SRA1: variants seen among roughly 807,000 people sequenced by gnomAD.
SRA1 encodes steroid receptor RNA activator 1, also known as lncRNA SRA.
Under a neutral mutation model 24.3 loss-of-function variants are expected in SRA1, and 25 were observed. That is an observed-to-expected ratio of 1.03 (90% CI 0.75 to 1.43). The LOEUF (loss-of-function observed/expected upper bound fraction) is 1.43. Ranked by LOEUF, SRA1 falls within the 40% of genes most tolerant of loss-of-function variation. The pLI is 0.00. For synonymous variants in SRA1, 104 were observed against 109.5 expected (o/e 0.95, Z 0.31); for missense variants, 303 against 286.6 (o/e 1.06, Z -0.41).
In SRA1 at chr5:140,550,703, T is replaced by TGAAGCCTGCTG. The variant is rs776813391; in HGVS notation, c.661_671dup (p.Ter225SerfsTer43). 2 of 1,614,132 alleles carry TGAAGCCTGCTG rather than the reference T, an allele frequency of 1.2e-6. No homozygotes were observed. The highest frequency in any genetic ancestry group is 2.2e-5 in the South Asian group (2 of 91,076). On this transcript the variant is annotated frameshift_variant, in exon 5 of 5. Coordinates refer to ENST00000336283, the MANE Select transcript of SRA1 (RefSeq NM_001035235.4). LOFTEE classifies it high-confidence loss of function. ...GGTGAGTCTGGGGAACCGAGGATTA[T>TGAAGCCTGCTG]GAAGCCTGCTGGAAGCCTGGTATGG... is the stretch of plus-strand genomic sequence containing the variant.
Position 140,552,014 on chromosome 5 carries a change from G to A in SRA1, c.322C>T (p.Gln108Ter). The part of the protein sequence containing the change: ...VMEDVLRPLE[Q>*]ALEDCRGHTR... ...TGGCCACGGCAGTCTTCCAATGCCT[G>A]TTCCAAAGGTCTCAGCACATCCTCC... The change falls in exon 3 of 5, where the codon CAG (glutamine) becomes TAG (stop). Residue 108 changes from glutamine (Q) to a stop codon, truncating the protein, a stop_gained. Transcript: ENST00000336283. LOFTEE classifies it high-confidence loss of function. 2.5e-6 allele frequency: 4 copies of A among 1,611,506 alleles called. No homozygotes were observed. Among genetic ancestry groups the A allele is most frequent in the Non-Finnish European group, 3.4e-6 (4 of 1,179,020 alleles).
intron 2 of SRA1, among the ~76,000 whole-genome samples, chr5:140,555,220 T>C (rs540286895): frequency 1.1e-3 from 161 of 151,766 alleles, no homozygotes; most frequent in African/African-American, 3.8e-3. Flanking sequence ...TTACTATTGA[T>C]TCATGTCTTT....
chr5:140,557,591 C>T (rs1350082277), upstream of SRA1: 4 of 1,010,328 alleles, frequency 4.0e-6, no homozygotes, highest in Non-Finnish European at 5.7e-6. Context: ...CGTCGGGAGC[C>T]GCTGTGGGGA....
At chr5:140,556,541 T>C (rs1019499669) in intron 2 of SRA1, among the ~76,000 whole-genome samples, 1 of 152,208 alleles carries the variant, frequency 6.6e-6, no homozygotes, top group Non-Finnish European at 1.5e-5. Flanking sequence ...GTGGCTTAAA[T>C]GTCAGCCCCT....
chr5:140,557,105 C>G lies in SRA1; in HGVS notation c.151+42G>C, dbSNP rs763853693. ...AGGCTTATGCCTTACACCCCCCCCC[C>G]CCCATTCTCCGTCTGTCTCCGAGCA... On this transcript the variant is annotated intron_variant, in intron 2 of 4. Coordinates refer to ENST00000336283, the MANE Select transcript of SRA1 (RefSeq NM_001035235.4). 4.2e-5 allele frequency: 51 copies of G among 1,219,550 alleles called. 3 individuals are homozygous for G. Among genetic ancestry groups the G allele is most frequent in the Non-Finnish European group, 5.7e-5 (49 of 863,260 alleles). 75.5% of individuals were successfully genotyped at this position (1,219,550 alleles called of 1,614,324 possible).
chr5:140,557,416 G>C lies in SRA1; in HGVS notation c.25+12C>G, dbSNP rs764850407. The C allele has an allele frequency of 1.9e-6, 3 of 1,580,816 alleles. No homozygotes were observed. The highest frequency in any genetic ancestry group is 3.7e-5 in the Admixed American group (2 of 54,744). On this transcript the variant is annotated intron_variant, in intron 1 of 4. Coordinates refer to ENST00000336283, the MANE Select transcript of SRA1 (RefSeq NM_001035235.4). ...CGACAACCTAGTGCCCTAGCCCGCCGGCTGCGCTCACCCGGCTTCACGTAC... is the reference window on the plus strand; with the variant it reads ...CGACAACCTAGTGCCCTAGCCCGCCCGCTGCGCTCACCCGGCTTCACGTAC...
In SRA1 at chr5:140,552,032, C is replaced by T. The variant is rs140505515; in HGVS notation, c.304G>A (p.Val102Met). ...AATGCCTGTTCCAAAGGTCTCAGCACATCCTCCATCACAGCCTCAGACTCG... is the reference window on the plus strand; with the variant it reads ...AATGCCTGTTCCAAAGGTCTCAGCATATCCTCCATCACAGCCTCAGACTCG... ...PVESEAVMEDVLRPLEQALED... is the reference protein window; with the variant it reads ...PVESEAVMEDMLRPLEQALED... Residue 102 changes from valine to methionine, a missense_variant, in exon 3 of 5, where the codon GTG becomes ATG. By Grantham distance (21) the Val-to-Met change is conservative. Coordinates refer to ENST00000336283, the MANE Select transcript of SRA1 (RefSeq NM_001035235.4). The T allele has an allele frequency of 6.3e-7, 1 of 1,586,088 alleles. No individual in the cohort carries two copies. Among genetic ancestry groups the T allele is most frequent in the Non-Finnish European group, 8.6e-7 (1 of 1,165,078 alleles).
At chr5:140,554,851 G>T (rs142956564) in intron 2 of SRA1, among the ~76,000 whole-genome samples, 1 of 151,810 alleles carries the variant, frequency 6.6e-6, no homozygotes, top group African/African-American at 2.4e-5. Flanking sequence ...TTATGATCAC[G>T]AGTGACTGCT....
intron 2 of SRA1, among the ~76,000 whole-genome samples, chr5:140,556,190 G>A (rs1754687703): frequency 1.3e-5 from 2 of 152,226 alleles, no homozygotes; most frequent in Admixed American, 1.3e-4. Flanking sequence ...ATACTGCTGA[G>A]TTTAAGAAAC....
chr5:140,551,346 C>G (rs1754555934), intron 3 of SRA1, 177 bp from the exon 4 acceptor site: 2 of 570,590 alleles, frequency 3.5e-6, no homozygotes, highest in African/African-American at 3.7e-5. Flanking sequence ...CCTTTCCCTG[C>G]TGTCTTCTTC....
intron 2 of SRA1, among the ~76,000 whole-genome samples, chr5:140,556,092 G>A (rs535484752): frequency 6.6e-6 from 1 of 152,228 alleles, no homozygotes. Flanking sequence ...GGATGCTACT[G>A]ACATCTTTTG....
upstream of SRA1, chr5:140,557,551 A>G: frequency 1.4e-6 from 2 of 1,413,386 alleles, no homozygotes; most frequent in South Asian, 1.3e-5. Context: ...GGTTGCCGGA[A>G]TCCGTGGAGG....
Position 140,551,158 on chromosome 5 carries a change from A to G in SRA1, c.366T>C (p.Cys122=), listed in dbSNP as rs1217516674. Residue 122 remains cysteine (C), a synonymous_variant, in exon 4 of 5, where the codon TGT becomes TGC. Coordinates refer to ENST00000336283, the MANE Select transcript of SRA1 (RefSeq NM_001035235.4). ...GTGCCAGGCGTCGGCTGATGTCATC[A>G]CATACCTGCTTCTAAGAGACAGAAG... ...DCRGHTRKQV[C]DDISRRLALL... 3.1e-6 allele frequency: 5 copies of G among 1,613,908 alleles called. No homozygotes were observed. Among genetic ancestry groups the G allele is most frequent in the Admixed American group, 1.7e-5 (1 of 59,994 alleles).
At position 140,551,816 on chromosome 5, in the gene SRA1, C is replaced by G. The variant is rs1754568531; in HGVS notation, c.354+166G>C. The G allele has an allele frequency of 5.1e-6, 3 of 584,870 alleles. No individual in the cohort carries two copies. In the East Asian group the frequency reaches 9.0e-5, roughly 18 times the overall value. 36.2% of individuals were successfully genotyped at this position (584,870 alleles called of 1,614,324 possible). ...AAAGTCTTATTAATGCTCCTGAAAT[C>G]CTGTGTTCATTTCTTTGGGAAGGCC... On this transcript the variant is annotated intron_variant, in intron 3 of 4. Coordinates refer to ENST00000336283, the MANE Select transcript of SRA1 (RefSeq NM_001035235.4).
In SRA1 at chr5:140,553,562, G is replaced by A. The variant is rs894354666; in HGVS notation, c.152-1378C>T. On this transcript the variant is annotated intron_variant, in intron 2 of 4. Transcript: ENST00000336283. ...AGTAGTATGAGCTATCATTAGAGAGGTAAGCAGAGGGTCCAGACCCTGTGG... is the reference window on the plus strand; with the variant it reads ...AGTAGTATGAGCTATCATTAGAGAGATAAGCAGAGGGTCCAGACCCTGTGG... 2.6e-5 allele frequency among the ~76,000 whole-genome samples: 4 copies of A among 152,210 alleles called. No individual in the cohort carries two copies. The East Asian group carries it at 7.7e-4, about 29-fold the overall frequency.
At chr5:140,555,480 A>T (rs1375947718) in intron 2 of SRA1, among the ~76,000 whole-genome samples, 1 of 151,398 alleles carries the variant, frequency 6.6e-6, no homozygotes, top group East Asian at 1.9e-4. Flanking sequence ...TGATCTGCCC[A>T]CCTTGGCCTC....
upstream of SRA1, chr5:140,557,512 G>C (rs754622250): frequency 6.4e-5 from 98 of 1,531,910 alleles, no homozygotes; most frequent in Non-Finnish European, 8.1e-5. Context: ...CCTCACGCGG[G>C]CCAGTTGAGA....
Position 140,550,178 on chromosome 5 carries a change from C to G in SRA1, c.*522G>C, listed in dbSNP as rs1561855756. 1 of 158,838 alleles carries G rather than the reference C, an allele frequency of 6.3e-6. No homozygotes were observed. Among genetic ancestry groups the G allele is most frequent in the Non-Finnish European group, 1.4e-5 (1 of 71,944 alleles). 9.8% of individuals were successfully genotyped at this position (158,838 alleles called of 1,614,324 possible). On this transcript the variant is annotated 3_prime_UTR_variant, in exon 5 of 5. Transcript: ENST00000336283. The stretch of plus-strand genomic sequence containing the variant: ...ACCCCACTCAATGTGGTTCTAATCT[C>G]TGTAACAGTAGTATCTCAAGGGTGA...
chr5:140,557,235 G>GA lies in SRA1; in HGVS notation c.62dup (p.Ser22LeufsTer50), dbSNP rs1754740835. ...CGGCCTGGGTCTGCAGCCCGTATGAGAACTGCGGCGGGTCGTTCCAGCCGC... is the reference window on the plus strand; with the variant it reads ...CGGCCTGGGTCTGCAGCCCGTATGAGAAACTGCGGCGGGTCGTTCCAGCCGC... On this transcript the variant is annotated frameshift_variant, in exon 2 of 5. Transcript: ENST00000336283. LOFTEE classifies it high-confidence loss of function. 1.2e-6 allele frequency: 2 copies of GA among 1,613,208 alleles called. No homozygotes were observed. The highest frequency in any genetic ancestry group is 1.6e-4 in the Middle Eastern group (1 of 6,062).
Sources: gnomAD v4.1 joint callset for allele counts (sites outside exome capture counted in the v4.1 genomes callset) on GRCh38, gnomAD v4.1.1 for gene constraint, MANE v1.5 for transcripts, NCBI Gene and HGNC (gene_info 2026-07-23, HGNC 2026-07-21) for gene names.